STXBP5L: variants seen among roughly 807,000 people sequenced by gnomAD.
The protein encoded by STXBP5L is syntaxin binding protein 5L.
STXBP5L carries 65 observed loss-of-function variants against 144.5 expected under a neutral mutation model. The observed-to-expected ratio is 0.45, with a 90% confidence interval of 0.37 to 0.55. The LOEUF is 0.55. STXBP5L is among the 20% of genes least tolerant of loss of function. The probability of loss-of-function intolerance (pLI) is 0.00; values close to 1 mark genes in which losing one functional copy is unlikely to be tolerated. For missense variants in STXBP5L, 1,298 were observed against 1,405.5 expected (o/e 0.92, Z 1.22); for synonymous variants, 505 against 469.6 (o/e 1.08, Z -0.97).
chr3:121,091,979 C>A (rs1168103933), intron 5 of STXBP5L, among the ~76,000 whole-genome samples: 1 of 152,128 alleles, frequency 6.6e-6, no homozygotes, highest in Non-Finnish European at 1.5e-5. Context: ...GATCCAGTTT[C>A]AGCTTTCTAC....
At chr3:120,962,753 A>T (rs13099739) in intron 3 of STXBP5L, among the ~76,000 whole-genome samples, 135 of 152,304 alleles carry the variant, frequency 8.9e-4, no homozygotes, top group Non-Finnish European at 1.8e-3. Context: ...TTGTCTTGGC[A>T]ATGCAGGCCC....
chr3:120,969,649 T>C (rs554976113), intron 3 of STXBP5L, among the ~76,000 whole-genome samples: 1 of 152,060 alleles, frequency 6.6e-6, no homozygotes, highest in Non-Finnish European at 1.5e-5. Context: ...TTTCCAAAGT[T>C]ATCTTGTAGA....
At chr3:120,957,161 T>C (rs1173962049) in intron 3 of STXBP5L, among the ~76,000 whole-genome samples, 4 of 151,966 alleles carry the variant, frequency 2.6e-5, no homozygotes, top group African/African-American at 9.7e-5. Context: ...GGCTCTCCTA[T>C]TCTATTCCAC....
At chr3:121,087,888 G>A (rs2042576286) in intron 5 of STXBP5L, among the ~76,000 whole-genome samples, 1 of 151,982 alleles carries the variant, frequency 6.6e-6, no homozygotes, top group Non-Finnish European at 1.5e-5. Flanking sequence ...CAACTTACTG[G>A]AATCTACTGC....
At chr3:120,972,869 A>G (rs1490443557) in intron 3 of STXBP5L, among the ~76,000 whole-genome samples, 2 of 152,036 alleles carry the variant, frequency 1.3e-5, no homozygotes, top group African/African-American at 4.8e-5. Flanking sequence ...TGGTGAATCA[A>G]ATTTATTGAT....
chr3:121,087,604 G>T (rs1394202894), intron 5 of STXBP5L, among the ~76,000 whole-genome samples: 1 of 151,674 alleles, frequency 6.6e-6, no homozygotes, highest in Non-Finnish European at 1.5e-5. Context: ...CGTATAGTTG[G>T]GTCATGGTTT....
At chr3:121,020,639 G>A (rs1378449266) in intron 3 of STXBP5L, among the ~76,000 whole-genome samples, 1 of 152,072 alleles carries the variant, frequency 6.6e-6, no homozygotes, top group South Asian at 2.1e-4. Context: ...TATCAGGCAA[G>A]AATTTTTTAT....
chr3:121,320,303 G>A (rs2043927967), intron 20 of STXBP5L, among the ~76,000 whole-genome samples: 1 of 151,588 alleles, frequency 6.6e-6, no homozygotes, highest in African/African-American at 2.4e-5. Context: ...CTAATTATTT[G>A]TGGTTAGAAT....
intron 3 of STXBP5L, among the ~76,000 whole-genome samples, chr3:120,980,059 GT>G (rs1324825170): frequency 6.6e-6 from 1 of 152,172 alleles, no homozygotes; most frequent in East Asian, 1.9e-4. Flanking sequence ...TTGATTTCCA[GT>G]TTTAATTCCA....
chr3:121,346,097 C>A (rs2044957851), intron 20 of STXBP5L, among the ~76,000 whole-genome samples: 1 of 150,904 alleles, frequency 6.6e-6, no homozygotes, highest in Non-Finnish European at 1.5e-5. Context: ...AATGCTATCC[C>A]TCTCCCCTCC....
At chr3:121,415,324 G>T (rs1229245399) in intron 24 of STXBP5L, among the ~76,000 whole-genome samples, 1 of 152,140 alleles carries the variant, frequency 6.6e-6, no homozygotes, top group Non-Finnish European at 1.5e-5. Context: ...TCATTGTAAA[G>T]CTCACCAAAT....
intron 10 of STXBP5L, among the ~76,000 whole-genome samples, chr3:121,221,906 G>A (rs1460227763): frequency 6.6e-6 from 1 of 151,738 alleles, no homozygotes; most frequent in Non-Finnish European, 1.5e-5. Context: ...TATATAGCCA[G>A]CATAAGATTA....
At position 121,418,366 on chromosome 3, in the gene STXBP5L, C is replaced by T. The variant is rs754810926; in HGVS notation, c.3256C>T (p.Arg1086Cys). 23 of 1,613,652 alleles carry T rather than the reference C, an allele frequency of 1.4e-5. No individual in the cohort carries two copies. The highest frequency in any genetic ancestry group is 5.5e-5 in the South Asian group (5 of 91,060). Residue 1086 changes from arginine (R) to cysteine (C), a missense_variant, in exon 26 of 27, where the codon CGC becomes TGC. By Grantham distance (180) the Arg-to-Cys change is radical. Coordinates refer to ENST00000471454, the MANE Select transcript of STXBP5L (RefSeq NM_001308330.2). Reference protein sequence around the residue: ...FGEASAGKASRSLAQHIPGPG... With the variant: ...FGEASAGKASCSLAQHIPGPG... ...GGAAGCTTCGGCAGGAAAAGCATCC[C>T]GCAGCCTTGCGCAACACATTCCTGG...
chr3:121,288,751 A>G (rs1433765275), intron 19 of STXBP5L, among the ~76,000 whole-genome samples: 1 of 152,140 alleles, frequency 6.6e-6, no homozygotes, highest in African/African-American at 2.4e-5. Flanking sequence ...CCTTTGTTGG[A>G]TGCATAATTT....
rs372184311 is a variant in STXBP5L at position 121,010,731 on chromosome 3, TATA to T, written c.288-30964_288-30962del. Reference sequence around the variant, plus strand: ...TTAAATGTGTTGTATACTGTATTCGTATAATAACGGAAGCTAGAGAAAGGAAAA... The same window carrying T: ...TTAAATGTGTTGTATACTGTATTCGTATAACGGAAGCTAGAGAAAGGAAAA... On this transcript the variant is annotated intron_variant, in intron 3 of 26. Transcript: ENST00000471454. Among the ~76,000 whole-genome samples, 8 of 152,040 alleles carry T rather than the reference TATA, an allele frequency of 5.3e-5. 1 individual carries two copies. The highest frequency in any genetic ancestry group is 1.7e-4 in the African/African-American group (7 of 41,518).
At chr3:121,028,206 T>C (rs561301959) in intron 3 of STXBP5L, among the ~76,000 whole-genome samples, 1 of 152,202 alleles carries the variant, frequency 6.6e-6, no homozygotes, top group Non-Finnish European at 1.5e-5. Flanking sequence ...ACATTTTCAT[T>C]AAGTTTAGAA....
At chr3:121,076,878 A>G (rs538099357) in intron 5 of STXBP5L, among the ~76,000 whole-genome samples, 2 of 152,088 alleles carry the variant, frequency 1.3e-5, no homozygotes, top group Admixed American at 6.5e-5. Context: ...ACTGGGTCCT[A>G]TTACAGGAGG....
intron 7 of STXBP5L, among the ~76,000 whole-genome samples, chr3:121,125,122 A>T (rs1384805272): frequency 4.6e-5 from 7 of 152,152 alleles, no homozygotes; most frequent in African/African-American, 1.7e-4. Context: ...CTTGGAAGCT[A>T]ATTGGTGAAG....
At chr3:121,409,447 C>G (rs2108745865) in intron 23 of STXBP5L, among the ~76,000 whole-genome samples, 1 of 151,962 alleles carries the variant, frequency 6.6e-6, no homozygotes, top group African/African-American at 2.4e-5. Flanking sequence ...TATTAATGAT[C>G]TTTGAGAAAG....
Sources: gnomAD v4.1 joint callset for allele counts (sites outside exome capture counted in the v4.1 genomes callset) on GRCh38, gnomAD v4.1.1 for gene constraint, MANE v1.5 for transcripts, NCBI Gene and HGNC (gene_info 2026-07-23, HGNC 2026-07-21) for gene names.